Variants in DTWD1 observed in about 807,000 individuals in gnomAD.
DTWD1 encodes tRNA-uridine aminocarboxypropyltransferase 1.
Under a neutral mutation model 30.2 loss-of-function variants are expected in DTWD1, and 27 were observed. That is an observed-to-expected ratio of 0.90 (90% CI 0.66 to 1.23). The LOEUF is 1.23. Ranked by LOEUF, DTWD1 falls within the 50% of genes most tolerant of loss-of-function variation. DTWD1 has a pLI of 0.00. For synonymous variants in DTWD1, 99 were observed against 113.1 expected (o/e 0.88, Z 0.79); for missense variants, 342 against 348.8 (o/e 0.98, Z 0.15).
intron 3 of DTWD1, among the ~76,000 whole-genome samples, chr15:49,633,043 C>CTATCTATATA (rs1555588572): frequency 8.1e-4 from 105 of 129,306 alleles, no homozygotes; most frequent in South Asian, 1.3e-3. Context: ...CTATTTATAT[C>CTATCTATATA]TATATCTATA....
chr15:49,631,035 G>A lies in DTWD1; in HGVS notation c.265-1124G>A, dbSNP rs770955150. On this transcript the variant is annotated intron_variant, in intron 2 of 4. Transcript: ENST00000403028. ...TCAAGTTGCAGGAAAACCAGCTCAGGGATCCTGCTGATTTTACATTATGGT... is the reference window on the plus strand; with the variant it reads ...TCAAGTTGCAGGAAAACCAGCTCAGAGATCCTGCTGATTTTACATTATGGT... 4.5e-4 allele frequency: 196 copies of A among 438,712 alleles called. 1 individual carries two copies. The highest frequency in any genetic ancestry group is 6.8e-4 in the Non-Finnish European group (147 of 216,954). 27.2% of individuals were successfully genotyped at this position (438,712 alleles called of 1,614,324 possible).
At position 49,649,972 on chromosome 15, in the gene DTWD1, AG is replaced by A. The variant is rs2079143390; in HGVS notation, c.*6395del. 6.6e-6 allele frequency: 1 copy of A among 151,900 alleles called. No homozygotes were observed. The highest frequency in any genetic ancestry group is 1.5e-5 in the Non-Finnish European group (1 of 68,038). 9.4% of individuals were successfully genotyped at this position (151,900 alleles called of 1,614,324 possible). On this transcript the variant is annotated 3_prime_UTR_variant, in exon 5 of 5. Coordinates refer to ENST00000403028, the MANE Select transcript of DTWD1 (RefSeq NM_001144955.2). The stretch of plus-strand genomic sequence containing the variant: ...TTTAAATAGCATGGTCAGATGGAAA[AG>A]CCTGTGATAAGGTAAAATTGAGCAG...
rs1291476954 is a variant in DTWD1 at position 49,654,395 on chromosome 15, T to C, written c.*10817T>C. The C allele has an allele frequency of 6.6e-6, 1 of 152,062 alleles. No individual in the cohort carries two copies. The highest frequency in any genetic ancestry group is 1.5e-5 in the Non-Finnish European group (1 of 67,986). The allele number at this position is 152,062 out of a possible 1,614,324, so 9.4% of individuals were successfully genotyped here. On this transcript the variant is annotated 3_prime_UTR_variant, in exon 5 of 5. Coordinates refer to ENST00000403028, the MANE Select transcript of DTWD1 (RefSeq NM_001144955.2). ...GGTAGAGTCCATTTCCTTTTCCTTT[T>C]AATCTGGATTGGCCTTCTAACTCAC... is the stretch of plus-strand genomic sequence containing the variant.
At chr15:49,629,200 C>A (rs571176570) in intron 2 of DTWD1, among the ~76,000 whole-genome samples, 1 of 152,250 alleles carries the variant, frequency 6.6e-6, no homozygotes, top group East Asian at 1.9e-4. Context: ...ACATGGATTT[C>A]CATGATTTGA....
intron 4 of DTWD1, among the ~76,000 whole-genome samples, chr15:49,635,055 G>T (rs772733401): frequency 2.4e-4 from 36 of 150,204 alleles, no homozygotes; most frequent in Non-Finnish European, 4.4e-4. Context: ...TTTTTTTCTT[G>T]AGACAGTCCC....
rs3210227 is a variant in DTWD1, at chr15:49,625,144, G to A, written c.-24G>A. ...TATGATATGTGTTTTAGAAATAGCC[G>A]TTAAACTTTGGTTTGAATGAAGAAT... On this transcript the variant is annotated 5_prime_UTR_variant, in exon 2 of 5. Transcript: ENST00000403028. The A allele has an allele frequency of 0.24, 384,073 of 1,602,110 alleles. 50,386 individuals are homozygous for A. Among genetic ancestry groups the A allele is most frequent in the Middle Eastern group, 0.29 (1,724 of 6,010 alleles).
rs373144127 is a variant in DTWD1 at position 49,643,512 on chromosome 15, T to C, written c.849T>C (p.Phe283=). Reference sequence around the variant, plus strand: ...ACAATCTTTTATTTTTCTATTCTTTTATGTACCAGTTGATAAAGAATGCCA... The same window carrying C: ...ACAATCTTTTATTTTTCTATTCTTTCATGTACCAGTTGATAAAGAATGCCA... ...QYDNLLFFYS[F]MYQLIKNAKC... The change falls in exon 5 of 5, where the codon TTT becomes TTC. Residue 283 remains phenylalanine (F), a synonymous_variant. Transcript: ENST00000403028. 2 of 1,608,528 alleles carry C rather than the reference T, an allele frequency of 1.2e-6. No homozygotes were observed. Among genetic ancestry groups the C allele is most frequent in the Non-Finnish European group, 1.7e-6 (2 of 1,177,280 alleles).
At chr15:49,629,772 A>G (rs1675046418) in intron 2 of DTWD1, 1 of 152,206 alleles carries the variant, frequency 6.6e-6, no homozygotes, top group Admixed American at 6.5e-5. Flanking sequence ...ATTAGAAGCA[A>G]TTGGGCCTAA....
At chr15:49,635,734 T>TCTGC (rs1401242502) in intron 4 of DTWD1, among the ~76,000 whole-genome samples, 1 of 152,172 alleles carries the variant, frequency 6.6e-6, no homozygotes, top group Non-Finnish European at 1.5e-5. Flanking sequence ...CCTCAGGTGA[T>TCTGC]CTGCCTGCCC....
At position 49,625,120 on chromosome 15, in the gene DTWD1, A is replaced by G. The variant is rs766294866; in HGVS notation, c.-48A>G. On this transcript the variant is annotated 5_prime_UTR_variant, in exon 2 of 5. The change abolishes an upstream ATG in the 5' untranslated region. Coordinates refer to ENST00000403028, the MANE Select transcript of DTWD1 (RefSeq NM_001144955.2). ...GATACTTTTTTTTTACAGTGCACCT[A>G]TGATATGTGTTTTAGAAATAGCCGT... is the stretch of plus-strand genomic sequence containing the variant. The G allele has an allele frequency of 1.5e-5, 24 of 1,566,838 alleles. No homozygotes were observed. The Middle Eastern group carries it at 5.1e-4, about 33-fold the overall frequency.
In DTWD1 at chr15:49,654,331, A is replaced by G. The variant is rs900193311; in HGVS notation, c.*10753A>G. On this transcript the variant is annotated 3_prime_UTR_variant, in exon 5 of 5. Coordinates refer to ENST00000403028, the MANE Select transcript of DTWD1 (RefSeq NM_001144955.2). Reference sequence around the variant, plus strand: ...GTGATAGTTTTTGAAGATGTCCCTCAAACAATTCCTTCCCTTCCTTGGACT... The same window carrying G: ...GTGATAGTTTTTGAAGATGTCCCTCGAACAATTCCTTCCCTTCCTTGGACT... 1 of 152,084 alleles carries G rather than the reference A, an allele frequency of 6.6e-6. No homozygotes were observed. Among genetic ancestry groups the G allele is most frequent in the African/African-American group, 2.4e-5 (1 of 41,434 alleles). The allele number at this position is 152,084 out of a possible 1,614,324, so 9.4% of individuals were successfully genotyped here.
In DTWD1 at chr15:49,654,670, A is replaced by G. The variant is rs2153355174; in HGVS notation, c.*11092A>G. On this transcript the variant is annotated 3_prime_UTR_variant, in exon 5 of 5. Transcript: ENST00000403028. ...ATAGATTGAGTGACTTTTTTTCTTT[A>G]AAAAAATGAGATTGTGGAACCTGAA... 6.6e-6 allele frequency: 1 copy of G among 151,884 alleles called. No homozygotes were observed. The highest frequency in any genetic ancestry group is 2.1e-4 in the South Asian group (1 of 4,794). 9.4% of individuals were successfully genotyped at this position (151,884 alleles called of 1,614,324 possible). A position where few individuals can be genotyped will look rare whatever the true frequency, so the allele number is the denominator to read the frequency against.
At position 49,650,591 on chromosome 15, in the gene DTWD1, A is replaced by T. The variant is rs2079147209; in HGVS notation, c.*7013A>T. On this transcript the variant is annotated 3_prime_UTR_variant, in exon 5 of 5. Coordinates refer to ENST00000403028, the MANE Select transcript of DTWD1 (RefSeq NM_001144955.2). ...AAGGACTTGCTAATTAGCTGCAGGG[A>T]GTGTGAAGAACAGAAATCCACCAGT... 1 of 152,144 alleles carries T rather than the reference A, an allele frequency of 6.6e-6. No homozygotes were observed. The highest frequency in any genetic ancestry group is 1.5e-5 in the Non-Finnish European group (1 of 68,030). 9.4% of individuals were successfully genotyped at this position (152,144 alleles called of 1,614,324 possible).
intron 2 of DTWD1, among the ~76,000 whole-genome samples, chr15:49,625,888 G>T (rs1465607509): frequency 6.9e-6 from 1 of 144,328 alleles, no homozygotes; most frequent in Non-Finnish European, 1.5e-5. Context: ...AGAGTGGGAG[G>T]GTTGTTTGCA....
Position 49,655,059 on chromosome 15 carries a change from T to C in DTWD1, c.*11481T>C, listed in dbSNP as rs1463035648. 6.6e-6 allele frequency: 1 copy of C among 152,076 alleles called. No individual in the cohort carries two copies. Among genetic ancestry groups the C allele is most frequent in the East Asian group, 1.9e-4 (1 of 5,160 alleles). 9.4% of individuals were successfully genotyped at this position (152,076 alleles called of 1,614,324 possible). A position where few individuals can be genotyped will look rare whatever the true frequency, so the allele number is the denominator to read the frequency against. ...TCATGGCTTCTTGGAACCAAATTACTTCCCAAAGTCCTCACCTCCAAATCT... is the reference window on the plus strand; with the variant it reads ...TCATGGCTTCTTGGAACCAAATTACCTCCCAAAGTCCTCACCTCCAAATCT... On this transcript the variant is annotated 3_prime_UTR_variant, in exon 5 of 5. Coordinates refer to ENST00000403028, the MANE Select transcript of DTWD1 (RefSeq NM_001144955.2).
chr15:49,622,292 A>G (rs540125251), intron 1 of DTWD1, among the ~76,000 whole-genome samples: 1 of 152,312 alleles, frequency 6.6e-6, no homozygotes, highest in Admixed American at 6.5e-5. Context: ...TTCCATGTCA[A>G]ATATGTGGAA....
chr15:49,634,044 C>G (rs1026268098), intron 3 of DTWD1, among the ~76,000 whole-genome samples: 1 of 152,122 alleles, frequency 6.6e-6, no homozygotes, highest in Non-Finnish European at 1.5e-5. Flanking sequence ...TTTTAAGACT[C>G]TTGATTTAAA....
chr15:49,634,610 A>T lies in DTWD1; in HGVS notation c.483A>T (p.Gln161His). ...DISFHLQKRI[Q>H]NNVRGKNDDP... is the part of the protein sequence containing the mutation. ...CTTTTCATCTGCAAAAAAGGATTCAAAATAATGTTAGAGGCAAAAATGATG... is the reference window on the plus strand; with the variant it reads ...CTTTTCATCTGCAAAAAAGGATTCATAATAATGTTAGAGGCAAAAATGATG... Residue 161 changes from glutamine (Q) to histidine (H), a missense_variant, in exon 4 of 5, where the codon CAA (glutamine) becomes CAT (histidine). By Grantham distance (24) the Gln-to-His change is conservative. Coordinates refer to ENST00000403028, the MANE Select transcript of DTWD1 (RefSeq NM_001144955.2). The T allele has an allele frequency of 6.2e-7, 1 of 1,613,866 alleles. No individual in the cohort carries two copies. Among genetic ancestry groups the T allele is most frequent in the Non-Finnish European group, 8.5e-7 (1 of 1,179,912 alleles).
intron 2 of DTWD1, chr15:49,630,689 AC>A (rs1242987390): frequency 6.6e-6 from 1 of 152,434 alleles, no homozygotes; most frequent in Non-Finnish European, 1.5e-5. Flanking sequence ...AAATAATGAA[AC>A]TTCAAGGGAA....
Sources: allele counts gnomAD v4.1 joint callset (sites outside exome capture counted in the v4.1 genomes callset), GRCh38; gene constraint gnomAD v4.1.1; transcripts MANE v1.5; gene names NCBI Gene and HGNC (gene_info 2026-07-23, HGNC 2026-07-21).